The following POU2F3 variants were observed in gnomAD, a reference collection of about 807,000 sequenced individuals.
The protein encoded by POU2F3 is POU class 2 homeobox 3, also known as POU domain, class 2, transcription factor 3.
POU2F3 carries 23 observed loss-of-function variants against 59.2 expected under a neutral mutation model. The ratio of observed to expected loss-of-function variants is 0.39; its 90% CI spans 0.28 to 0.55. The LOEUF is 0.55. POU2F3 is among the 20% of genes least tolerant of loss of function. The pLI is 0.66. For missense variants in POU2F3, 473 were observed against 544.5 expected (o/e 0.87, Z 1.31); for synonymous variants, 190 against 214.6 (o/e 0.89, Z 1.00).
rs766735411 is a variant in POU2F3 at position 120,317,291 on chromosome 11, G to A, written c.1198G>A (p.Ala400Thr). 16 of 1,613,888 alleles carry A rather than the reference G, an allele frequency of 9.9e-6. No individual in the cohort carries two copies. Among genetic ancestry groups the A allele is most frequent in the South Asian group, 7.7e-5 (7 of 91,078 alleles). Residue 400 changes from alanine (A) to threonine (T), a missense_variant, in exon 12 of 13, where the codon GCC becomes ACC. Coordinates refer to ENST00000543440, the MANE Select transcript of POU2F3 (RefSeq NM_014352.4). Reference protein sequence around the residue: ...RPSSPGSGLHASSPTASQNNS... With the variant: ...RPSSPGSGLHTSSPTASQNNS... ...TTCATCTCCTGGCTCAGGACTCCAC[G>A]CCAGCAGCCCCACTGCATCTCAAAA...
intron 10 of POU2F3, among the ~76,000 whole-genome samples, chr11:120,315,112 T>C (rs1253970465): frequency 6.6e-6 from 1 of 152,162 alleles, no homozygotes; most frequent in Non-Finnish European, 1.5e-5. Flanking sequence ...GCAATACACA[T>C]TGTCAGGGGC....
chr11:120,243,392 C>T (rs1340418383), intron 1 of POU2F3, among the ~76,000 whole-genome samples: 1 of 151,836 alleles, frequency 6.6e-6, no homozygotes, highest in Non-Finnish European at 1.5e-5. Flanking sequence ...GAGCTTTCTT[C>T]CCTGGGGTTC....
chr11:120,306,486 A>G (rs1024023157), intron 8 of POU2F3, among the ~76,000 whole-genome samples: 13 of 152,182 alleles, frequency 8.5e-5, no homozygotes, highest in African/African-American at 3.1e-4. Flanking sequence ...TATGCATTGC[A>G]GGATGTTTTG....
At chr11:120,310,611 G>C (rs537651134) in intron 10 of POU2F3, among the ~76,000 whole-genome samples, 1 of 152,142 alleles carries the variant, frequency 6.6e-6, no homozygotes, top group African/African-American at 2.4e-5. Flanking sequence ...GTGTGGGAAG[G>C]TTCTTCTCTG....
intron 3 of POU2F3, among the ~76,000 whole-genome samples, chr11:120,297,470 G>A (rs1046576189): frequency 7.9e-5 from 12 of 152,254 alleles, no homozygotes; most frequent in Admixed American, 2.0e-4. Context: ...AGCCACACAG[G>A]TGAAGAGGGC....
intron 12 of POU2F3, 29 bp downstream of exon 12, chr11:120,317,393 TC>T (rs781108155): frequency 2.5e-6 from 4 of 1,613,322 alleles, no homozygotes; most frequent in Non-Finnish European, 3.4e-6. Context: ...TGCAGAGACA[TC>T]CCAGCAGGGC....
At chr11:120,311,122 G>A (rs956773008) in intron 10 of POU2F3, among the ~76,000 whole-genome samples, 6 of 151,916 alleles carry the variant, frequency 3.9e-5, no homozygotes. Context: ...ACTGCAAGTG[G>A]TTCCATGAGG....
At chr11:120,248,629 A>C (rs1158736683) in intron 2 of POU2F3, among the ~76,000 whole-genome samples, 3 of 152,142 alleles carry the variant, frequency 2.0e-5, no homozygotes, top group Non-Finnish European at 1.5e-5. Flanking sequence ...AGCTCCAAGG[A>C]GCCCGTGATG....
intron 1 of POU2F3, among the ~76,000 whole-genome samples, chr11:120,241,992 G>C (rs1160915730): frequency 6.6e-6 from 1 of 152,170 alleles, no homozygotes; most frequent in Non-Finnish European, 1.5e-5. Flanking sequence ...GTCCCTGTGA[G>C]CAGGTATTCC....
At chr11:120,318,215 C>A (rs535798695) in intron 12 of POU2F3, 138 bp from the exon 13 acceptor site, 4 of 750,690 alleles carry the variant, frequency 5.3e-6, no homozygotes, top group African/African-American at 5.2e-5. Flanking sequence ...GTTGTGCAAC[C>A]ATCAGCGTTA....
In POU2F3 at chr11:120,318,420, G is replaced by C; in HGVS notation, c.*28G>C. ...CCAAAAAGTTTCTCCTACTCCAGCTGGCCCTGTATTCCCCCTGGAAGGAAG... is the reference window on the plus strand; with the variant it reads ...CCAAAAAGTTTCTCCTACTCCAGCTCGCCCTGTATTCCCCCTGGAAGGAAG... On this transcript the variant is annotated 3_prime_UTR_variant, in exon 13 of 13. Transcript: ENST00000543440. The C allele has an allele frequency of 6.4e-7, 1 of 1,558,012 alleles. No homozygotes were observed. The highest frequency in any genetic ancestry group is 8.9e-7 in the Non-Finnish European group (1 of 1,129,068).
At chr11:120,237,759 G>A (rs1169832373), upstream of POU2F3, among the ~76,000 whole-genome samples, 2 of 152,134 alleles carry the variant, frequency 1.3e-5, no homozygotes, top group Non-Finnish European at 2.9e-5. Context: ...GCAGTTGTAG[G>A]TAAGAAATGG....
intron 11 of POU2F3, 152 bp downstream of exon 11, chr11:120,315,579 A>G (rs934548771): frequency 1.3e-6 from 1 of 769,626 alleles, no homozygotes; most frequent in East Asian, 2.7e-5. Flanking sequence ...TCTGTGATCA[A>G]ATAAGTCTGG....
chr11:120,250,200 T>G (rs1277079942), intron 2 of POU2F3: 3 of 152,300 alleles, frequency 2.0e-5, no homozygotes, highest in Non-Finnish European at 4.4e-5. Flanking sequence ...TTCTCCCCAT[T>G]CCTTTCTTTC....
intron 2 of POU2F3, among the ~76,000 whole-genome samples, chr11:120,259,746 G>C (rs1241696776): frequency 6.6e-6 from 1 of 152,202 alleles, no homozygotes; most frequent in Admixed American, 6.5e-5. Context: ...TAAGCCACTT[G>C]CCAAAGTTGA....
At chr11:120,252,020 T>C (rs1939125733) in intron 2 of POU2F3, among the ~76,000 whole-genome samples, 2 of 151,788 alleles carry the variant, frequency 1.3e-5, no homozygotes, top group South Asian at 4.2e-4. Context: ...GGTCTTGAAC[T>C]CTTGACCTCA....
At position 120,308,895 on chromosome 11, in the gene POU2F3, C is replaced by A. The variant is rs548916670; in HGVS notation, c.907-530C>A. ...CGCAGGTTGCAGTGAGCGGAGATCG[C>A]GCCACTGCACTCCAGCCTAGGCAAC... is the stretch of plus-strand genomic sequence containing the variant. On this transcript the variant is annotated intron_variant, in intron 9 of 12. Coordinates refer to ENST00000543440, the MANE Select transcript of POU2F3 (RefSeq NM_014352.4). 6.9e-5 allele frequency among the ~76,000 whole-genome samples: 9 copies of A among 129,868 alleles called. No individual in the cohort carries two copies. In the South Asian group the frequency reaches 2.3e-3, roughly 34 times the overall value. The allele number at this position is 129,868 out of a possible 152,430, so 85.2% of individuals were successfully genotyped here.
intron 3 of POU2F3, among the ~76,000 whole-genome samples, chr11:120,288,127 C>CAAAAAAAAAAAA (rs1491240764): frequency 1.3e-4 from 1 of 7,630 alleles, no homozygotes; most frequent in African/African-American, 3.4e-4. Flanking sequence ...AACAAAAAAA[C>CAAAAAAAAAAAA]CAAAAAAAAA....
Position 120,305,758 on chromosome 11 carries a change from C to T in POU2F3, c.742C>T (p.Leu248=). 6.2e-7 allele frequency: 1 copy of T among 1,613,830 alleles called. No homozygotes were observed. Among genetic ancestry groups the T allele is most frequent in the Non-Finnish European group, 8.5e-7 (1 of 1,180,028 alleles). ...CAAGAACATGTGCAAGCTCAAGCCC[C>T]TGCTGGAGAAGTGGCTGAATGATGC... ...SFKNMCKLKP[L]LEKWLNDAES... Residue 248 remains leucine, a synonymous_variant, in exon 8 of 13, where the codon CTG becomes TTG. Coordinates refer to ENST00000543440, the MANE Select transcript of POU2F3 (RefSeq NM_014352.4).
Sources: allele counts gnomAD v4.1 joint callset (sites outside exome capture counted in the v4.1 genomes callset), GRCh38; gene constraint gnomAD v4.1.1; transcripts MANE v1.5; gene names NCBI Gene and HGNC (gene_info 2026-07-23, HGNC 2026-07-21).